Variants in FAM13A observed in about 807,000 individuals in gnomAD.
The protein encoded by FAM13A is protein FAM13A.
Under a neutral mutation model 129.6 loss-of-function variants are expected in FAM13A, and 76 were observed. That is an observed-to-expected ratio of 0.59 (90% CI 0.49 to 0.71). The LOEUF is 0.71. Ranked by LOEUF, FAM13A falls within the 30% of genes least tolerant of loss-of-function variation. FAM13A has a pLI of 0.00. For missense variants in FAM13A, 1,108 were observed against 1,249.3 expected, an observed-to-expected ratio of 0.89 and a Z score of 1.70; for synonymous variants, 443 against 449.9, an observed-to-expected ratio of 0.98 and a Z score of 0.20.
At chr4:88,860,776 A>G (rs751433237) in intron 6 of FAM13A, among the ~76,000 whole-genome samples, 3 of 152,198 alleles carry the variant, frequency 2.0e-5, no homozygotes, top group Admixed American at 6.5e-5. Context: ...CCTTTTGCCA[A>G]ACTCTGAGAC....
At chr4:88,767,099 GTTTA>G (rs1424191338) in intron 13 of FAM13A, among the ~76,000 whole-genome samples, 1 of 152,124 alleles carries the variant, frequency 6.6e-6, no homozygotes, top group Non-Finnish European at 1.5e-5. Context: ...CTTCTCCAAT[GTTTA>G]TTTAAGATGA....
At chr4:88,859,876 T>C (rs760172472) in intron 6 of FAM13A, among the ~76,000 whole-genome samples, 5 of 150,232 alleles carry the variant, frequency 3.3e-5, no homozygotes, top group Non-Finnish European at 7.5e-5. Flanking sequence ...GAGTGAGTGA[T>C]TTCCAAGTGT....
At chr4:88,933,329 A>C (rs1367118590) in intron 5 of FAM13A, among the ~76,000 whole-genome samples, 3 of 152,152 alleles carry the variant, frequency 2.0e-5, no homozygotes, top group African/African-American at 7.2e-5. Context: ...AAACTGGACA[A>C]CAAGACAAAC....
rs181990267 is a variant in FAM13A, at chr4:88,783,134, C to T, written c.1272-1783G>A. Among the ~76,000 whole-genome samples, 5 of 152,004 alleles carry T rather than the reference C, an allele frequency of 3.3e-5. No homozygotes were observed. In the East Asian group the frequency reaches 9.6e-4, roughly 29 times the overall value. On this transcript the variant is annotated intron_variant, in intron 10 of 23. Transcript: ENST00000264344. ...CTTATTCTTTGTATTACAAACAATC[C>T]AATTACACTCTTTTAGATATTTTTA...
rs191320130 is a variant in FAM13A, at chr4:88,780,740, T to G, written c.1458+425A>C. Among the ~76,000 whole-genome samples, 151 of 152,260 alleles carry G rather than the reference T, an allele frequency of 9.9e-4. 1 individual carries two copies. The highest frequency in any genetic ancestry group is 8.7e-4 in the Non-Finnish European group (59 of 67,998). Reference sequence around the variant, plus strand: ...CAAAATTTCTGAACATGAAGAGATTTCTGAACATGAAGATAGCTGATCCTC... The same window carrying G: ...CAAAATTTCTGAACATGAAGAGATTGCTGAACATGAAGATAGCTGATCCTC... On this transcript the variant is annotated intron_variant, in intron 11 of 23. Coordinates refer to ENST00000264344, the MANE Select transcript of FAM13A (RefSeq NM_014883.4).
At chr4:88,832,721 C>G (rs1734094663) in intron 7 of FAM13A, among the ~76,000 whole-genome samples, 1 of 152,048 alleles carries the variant, frequency 6.6e-6, no homozygotes, top group South Asian at 2.1e-4. Flanking sequence ...ATTAAAAAGT[C>G]AAGAAACAAC....
chr4:88,968,559 C>T (rs542993729), intron 4 of FAM13A, among the ~76,000 whole-genome samples: 2 of 152,034 alleles, frequency 1.3e-5, no homozygotes, highest in African/African-American at 2.4e-5. Context: ...TTTTTTCTGC[C>T]CTATATGCCC....
At chr4:88,817,399 C>A (rs1451064978) in intron 7 of FAM13A, among the ~76,000 whole-genome samples, 1 of 151,794 alleles carries the variant, frequency 6.6e-6, no homozygotes, top group African/African-American at 2.4e-5. Context: ...CTCGTCTCTA[C>A]GAAAAATACA....
intron 6 of FAM13A, among the ~76,000 whole-genome samples, chr4:88,865,500 T>C (rs1285154580): frequency 6.6e-6 from 1 of 152,240 alleles, no homozygotes; most frequent in Non-Finnish European, 1.5e-5. Flanking sequence ...ATTTCAACCA[T>C]GTAAGTTCTG....
chr4:88,949,328 G>A (rs1756530508), intron 4 of FAM13A, among the ~76,000 whole-genome samples: 1 of 152,092 alleles, frequency 6.6e-6, no homozygotes, highest in Non-Finnish European at 1.5e-5. Context: ...ATTATCACCT[G>A]ATCAAATTGC....
At chr4:88,748,854 C>G in intron 17 of FAM13A, 98 bp downstream of exon 17, 1 of 858,138 alleles carries the variant, frequency 1.2e-6, no homozygotes, top group South Asian at 1.4e-5. Flanking sequence ...CTTTAAGGAC[C>G]GGGGAATGCC....
intron 5 of FAM13A, chr4:88,937,469 G>A (rs1754032728): frequency 6.6e-6 from 1 of 152,142 alleles, no homozygotes; most frequent in Non-Finnish European, 1.5e-5. Flanking sequence ...TTTACCCTCT[G>A]ATTCTCAATT....
intron 11 of FAM13A, among the ~76,000 whole-genome samples, chr4:88,779,498 G>T (rs1354718272): frequency 1.3e-5 from 2 of 152,148 alleles, no homozygotes; most frequent in South Asian, 2.1e-4. Context: ...ACATCTTTGA[G>T]AATACCCTCA....
At position 88,753,053 on chromosome 4, in the gene FAM13A, T is replaced by A. The variant is rs570955008; in HGVS notation, c.1727-2416A>T. On this transcript the variant is annotated intron_variant, in intron 14 of 23. Coordinates refer to ENST00000264344, the MANE Select transcript of FAM13A (RefSeq NM_014883.4). ...TGGCATATGAGTGTGCTGGTTAGTT[T>A]GACATTTCTATTCATAAAATCTTAG... 2.6e-5 allele frequency among the ~76,000 whole-genome samples: 4 copies of A among 152,336 alleles called. No individual in the cohort carries two copies. The South Asian group carries it at 8.3e-4, about 32-fold the overall frequency.
chr4:88,942,205 T>C (rs548365456), intron 4 of FAM13A, among the ~76,000 whole-genome samples: 2 of 152,228 alleles, frequency 1.3e-5, no homozygotes, highest in Non-Finnish European at 2.9e-5. Context: ...TTCTAAGAGG[T>C]GCACTTGAAT....
intron 4 of FAM13A, among the ~76,000 whole-genome samples, chr4:88,976,315 G>A (rs1760897544): frequency 6.6e-6 from 1 of 151,972 alleles, no homozygotes; most frequent in African/African-American, 2.4e-5. Flanking sequence ...TGGACTCAAG[G>A]GATTATTTTT....
intron 3 of FAM13A, among the ~76,000 whole-genome samples, chr4:89,015,123 T>G (rs1766299423): frequency 6.6e-6 from 1 of 152,170 alleles, no homozygotes; most frequent in South Asian, 2.1e-4. Context: ...CTCCCAGGCC[T>G]ATTAGGACGA....
intron 5 of FAM13A, among the ~76,000 whole-genome samples, chr4:88,925,958 C>G (rs1385197280): frequency 6.6e-6 from 1 of 151,920 alleles, no homozygotes; most frequent in Non-Finnish European, 1.5e-5. Context: ...TGGACCCGCA[C>G]CAACTTAACC....
At chr4:88,734,240 A>G (rs1738496859) in intron 21 of FAM13A, among the ~76,000 whole-genome samples, 1 of 152,222 alleles carries the variant, frequency 6.6e-6, no homozygotes, top group Non-Finnish European at 1.5e-5. Flanking sequence ...ACCCTACGAA[A>G]GGAAAGCTGG....
Sources: allele counts gnomAD v4.1 joint callset (sites outside exome capture counted in the v4.1 genomes callset), GRCh38; gene constraint gnomAD v4.1.1; transcripts MANE v1.5; gene names NCBI Gene and HGNC (gene_info 2026-07-23, HGNC 2026-07-21).